CCAR2: variants seen among roughly 807,000 people sequenced by gnomAD.
The protein encoded by CCAR2 is cell cycle and apoptosis regulator protein 2.
In CCAR2, 21 loss-of-function variants were observed where a neutral mutation model predicts 108.1. The ratio of observed to expected loss-of-function variants is 0.19; its 90% CI spans 0.14 to 0.28. CCAR2 has a LOEUF of 0.28. Ranked by LOEUF, CCAR2 falls within the 10% of genes least tolerant of loss-of-function variation. CCAR2 has a pLI of 1.00. For synonymous variants in CCAR2, 577 were observed against 472.8 expected (o/e 1.22, Z -2.86); for missense variants, 1,126 against 1,177.0 (o/e 0.96, Z 0.63).
chr8:22,610,469 G>C (rs190280499), intron 7 of CCAR2, among the ~76,000 whole-genome samples: 3 of 152,330 alleles, frequency 2.0e-5, no homozygotes, highest in African/African-American at 7.2e-5. Context: ...CAATGTACAG[G>C]AAGCGGAGGA....
chr8:22,616,288 G>A (rs761601114), intron 14 of CCAR2, 40 bp downstream of exon 14: 5 of 1,570,798 alleles, frequency 3.2e-6, no homozygotes, highest in Non-Finnish European at 3.5e-6. Flanking sequence ...AGTGCTTACC[G>A]TGACCGCGCA....
chr8:22,617,413 T>C lies in CCAR2; in HGVS notation c.1846-7T>C, dbSNP rs368186128. On this transcript the variant is annotated splice_region_variant and splice_polypyrimidine_tract_variant and intron_variant, in intron 14 of 20. Transcript: ENST00000308511. ...CTTTTCCTTATAACCTTTGTCTGCC[T>C]CTGTAGAAGGAGGATGGGCTTTTGC... 3 of 1,530,444 alleles carry C rather than the reference T, an allele frequency of 2.0e-6. No homozygotes were observed. In the African/African-American group the frequency reaches 4.2e-5, roughly 21 times the overall value. 94.8% of individuals were successfully genotyped at this position (1,530,444 alleles called of 1,614,324 possible). A position where few individuals can be genotyped will look rare whatever the true frequency, so the allele number is the denominator to read the frequency against.
intron 7 of CCAR2, among the ~76,000 whole-genome samples, chr8:22,609,029 G>C (rs1322696450): frequency 2.0e-5 from 3 of 150,816 alleles, no homozygotes; most frequent in African/African-American, 7.3e-5. Context: ...GAAATGTTAT[G>C]TAACCCTTAA....
Position 22,606,091 on chromosome 8 carries a change from C to T in CCAR2, c.65C>T (p.Ala22Val). 1.9e-6 allele frequency: 3 copies of T among 1,613,788 alleles called. No homozygotes were observed. Among genetic ancestry groups the T allele is most frequent in the Non-Finnish European group, 2.5e-6 (3 of 1,179,666 alleles). The change falls in exon 3 of 21, where the codon GCT becomes GTT. Residue 22 changes from alanine (A) to valine (V), a missense_variant. This residue lies in a region of CCAR2 where 52 missense variants were observed against 63.7 expected (regional missense o/e 0.82). Coordinates refer to ENST00000308511, the MANE Select transcript of CCAR2 (RefSeq NM_001393997.1). Reference protein sequence around the residue: ...LPGGRNFSGTASTSLLGPPPG... With the variant: ...LPGGRNFSGTVSTSLLGPPPG... ...TGCTTCTCTTTCCCCATAGGCACAG[C>T]TTCAACATCTCTTCTGGGCCCTCCT...
In CCAR2 at chr8:22,614,137, C is replaced by G. The variant is rs770711234; in HGVS notation, c.750C>G (p.Leu250=). The change falls in exon 9 of 21, where the codon CTC becomes CTG. Residue 250 remains leucine, a synonymous_variant. Transcript: ENST00000308511. ...AACTCCAGCGCCGTTACCGCAGCCTCCTGGTCCCCTCAGATTTTCTGTCCG... is the reference window on the plus strand; with the variant it reads ...AACTCCAGCGCCGTTACCGCAGCCTGCTGGTCCCCTCAGATTTTCTGTCCG... ...FLELQRRYRS[L]LVPSDFLSVH... is the part of the protein sequence containing the mutation. The G allele has an allele frequency of 6.2e-7, 1 of 1,614,118 alleles. No individual in the cohort carries two copies. The highest frequency in any genetic ancestry group is 2.2e-5 in the East Asian group (1 of 44,888).
chr8:22,609,979 G>A (rs968043312), intron 7 of CCAR2, among the ~76,000 whole-genome samples: 11 of 152,086 alleles, frequency 7.2e-5, no homozygotes, highest in Admixed American at 7.2e-4. Flanking sequence ...AAAAGGAAAT[G>A]TTTATTGAGC....
chr8:22,604,793 G>A lies in CCAR2; in HGVS notation c.-88G>A, dbSNP rs1309415291. The stretch of plus-strand genomic sequence containing the variant: ...CGGTGGCGGCGGCAGCAGCGGCTGT[G>A]GTGGTTCCGGGTGTCTTTGTCCCCC... On this transcript the variant is annotated 5_prime_UTR_variant, in exon 1 of 21. Coordinates refer to ENST00000308511, the MANE Select transcript of CCAR2 (RefSeq NM_001393997.1). 1 of 455,812 alleles carries A rather than the reference G, an allele frequency of 2.2e-6. No homozygotes were observed. The highest frequency in any genetic ancestry group is 2.3e-5 in the Admixed American group (1 of 42,590). The allele number at this position is 455,812 out of a possible 1,614,324, so 28.2% of individuals were successfully genotyped here. A position where few individuals can be genotyped will look rare whatever the true frequency, so the allele number is the denominator to read the frequency against.
At chr8:22,617,257 G>T in intron 14 of CCAR2, 163 bp from the exon 15 acceptor site, 1 of 816,752 alleles carries the variant, frequency 1.2e-6, no homozygotes, top group East Asian at 2.8e-5. Context: ...GGCATGCTCT[G>T]AATCCCACTT....
At chr8:22,608,586 C>T (rs562909244) in intron 7 of CCAR2, among the ~76,000 whole-genome samples, 91 of 152,316 alleles carry the variant, frequency 6.0e-4, no homozygotes, top group African/African-American at 2.1e-3. Flanking sequence ...ATGTGTGGAG[C>T]AAGCATGGCT....
At position 22,619,770 on chromosome 8, in the gene CCAR2, C is replaced by T. The variant is rs201277956; in HGVS notation, c.*88C>T. On this transcript the variant is annotated 3_prime_UTR_variant, in exon 21 of 21. Coordinates refer to ENST00000308511, the MANE Select transcript of CCAR2 (RefSeq NM_001393997.1). ...TTGCGGTACCAGAAAGCAGCGAGAGCGAGACCTGGGAGCCAGGGCAGGGGT... is the reference window on the plus strand; with the variant it reads ...TTGCGGTACCAGAAAGCAGCGAGAGTGAGACCTGGGAGCCAGGGCAGGGGT... 26 of 1,432,296 alleles carry T rather than the reference C, an allele frequency of 1.8e-5. No homozygotes were observed. The highest frequency in any genetic ancestry group is 2.5e-5 in the East Asian group (1 of 40,254). 88.7% of individuals were successfully genotyped at this position (1,432,296 alleles called of 1,614,324 possible). A position where few individuals can be genotyped will look rare whatever the true frequency, so the allele number is the denominator to read the frequency against.
rs1025820775 is a variant in CCAR2 at position 22,616,004 on chromosome 8, C to G, written c.1609-8C>G. ...TGATGCTCATGGACCCTCCCACCTC[C>G]CCATCAGGTGATGGTGCTGGCCGAG... On this transcript the variant is annotated splice_region_variant and splice_polypyrimidine_tract_variant and intron_variant, in intron 13 of 20. Coordinates refer to ENST00000308511, the MANE Select transcript of CCAR2 (RefSeq NM_001393997.1). 6.2e-7 allele frequency: 1 copy of G among 1,613,696 alleles called. No individual in the cohort carries two copies. The highest frequency in any genetic ancestry group is 1.1e-5 in the South Asian group (1 of 91,068).
At chr8:22,616,913 G>T (rs1439855758) in intron 14 of CCAR2, among the ~76,000 whole-genome samples, 3 of 79,280 alleles carry the variant, frequency 3.8e-5, no homozygotes, top group African/African-American at 1.1e-4. Flanking sequence ...ATGGAGTCTT[G>T]CTCTGTCACC....
intron 15 of CCAR2, 23 bp from the exon 16 acceptor site, chr8:22,617,673 C>T (rs779011854): frequency 6.2e-7 from 1 of 1,614,158 alleles, no homozygotes; most frequent in Non-Finnish European, 8.5e-7. Context: ...CCCTGCTCTC[C>T]ATTTATCTTG....
rs7846186 is a variant in CCAR2, at chr8:22,619,729, G to A, written c.*47G>A. The A allele has an allele frequency of 5.8e-6, 9 of 1,545,856 alleles. No individual in the cohort carries two copies. The East Asian group carries it at 1.9e-4, about 33-fold the overall frequency. On this transcript the variant is annotated 3_prime_UTR_variant, in exon 21 of 21. Transcript: ENST00000308511. ...TCCTGTGAGGGCAGCGGTGGCGCCCGGCAAAGTTGGAGCCCTTGCGGTACC... is the reference window on the plus strand; with the variant it reads ...TCCTGTGAGGGCAGCGGTGGCGCCCAGCAAAGTTGGAGCCCTTGCGGTACC...
In CCAR2 at chr8:22,604,807, T is replaced by C. The variant is rs926634934; in HGVS notation, c.-74T>C. The C allele has an allele frequency of 4.4e-6, 2 of 455,286 alleles. No individual in the cohort carries two copies. The highest frequency in any genetic ancestry group is 8.8e-6 in the Non-Finnish European group (2 of 226,848). 28.2% of individuals were successfully genotyped at this position (455,286 alleles called of 1,614,324 possible). ...GCAGCGGCTGTGGTGGTTCCGGGTG[T>C]CTTTGTCCCCCCGGTGTCGCTGCCC... On this transcript the variant is annotated 5_prime_UTR_variant, in exon 1 of 21. Coordinates refer to ENST00000308511, the MANE Select transcript of CCAR2 (RefSeq NM_001393997.1).
chr8:22,618,770 G>C, intron 18 of CCAR2, 42 bp downstream of exon 18: 1 of 1,613,266 alleles, frequency 6.2e-7, no homozygotes, highest in South Asian at 1.1e-5. Flanking sequence ...GCACGGGCAG[G>C]GCAGGCTGCC....
At chr8:22,615,314 G>A (rs1022286609) in intron 11 of CCAR2, 111 bp from the exon 12 acceptor site, 27 of 1,308,026 alleles carry the variant, frequency 2.1e-5, no homozygotes, top group Middle Eastern at 3.8e-4. Flanking sequence ...AGCTTGGTTC[G>A]CAGTGTGTGC....
At chr8:22,619,095 C>T in intron 19 of CCAR2, 55 bp from the exon 20 acceptor site, 1 of 1,600,838 alleles carries the variant, frequency 6.2e-7, no homozygotes, top group Non-Finnish European at 8.5e-7. Flanking sequence ...AGGCCCTGCC[C>T]TGTGCTCTGG....
intron 13 of CCAR2, 40 bp downstream of exon 13, chr8:22,615,952 T>G (rs7843128): frequency 1.2e-6 from 2 of 1,612,442 alleles, no homozygotes; most frequent in South Asian, 1.1e-5. Flanking sequence ...GGGCTGGGAT[T>G]TGTGGGCCTG....
Sources: allele counts gnomAD v4.1 joint callset (sites outside exome capture counted in the v4.1 genomes callset), GRCh38; gene constraint gnomAD v4.1.1; regional missense constraint gnomAD v4.1.1; transcripts MANE v1.5; gene names NCBI Gene and HGNC (gene_info 2026-07-23, HGNC 2026-07-21).